Variants in BPHL observed in about 807,000 individuals in gnomAD.
BPHL encodes biphenyl hydrolase like.
BPHL carries 27 observed loss-of-function variants against 31.2 expected under a neutral mutation model. The observed-to-expected ratio is 0.87, with a 90% CI of 0.64 to 1.19. The LOEUF (loss-of-function observed/expected upper bound fraction) is 1.19, where lower values mean the gene tolerates loss of function less well. BPHL is among the 50% of genes most tolerant of loss of function. The pLI, the probability that BPHL is intolerant of heterozygous loss-of-function variation, is 0.00. For missense variants in BPHL, 356 were observed against 375.7 expected (o/e 0.95, Z 0.43); for synonymous variants, 150 against 146.8 (o/e 1.02, Z -0.16).
At chr6:3,124,937 A>T (rs75692719) in intron 2 of BPHL, among the ~76,000 whole-genome samples, 360 of 152,112 alleles carry the variant, frequency 2.4e-3, no homozygotes, top group African/African-American at 8.2e-3. Context: ...AAGGACACTG[A>T]CTCTCATGGC....
intron 2 of BPHL, among the ~76,000 whole-genome samples, chr6:3,126,494 A>T (rs1335461519): frequency 6.6e-6 from 1 of 152,148 alleles, no homozygotes; most frequent in Non-Finnish European, 1.5e-5. Context: ...ACAGAAGCAA[A>T]GGAAGACCCA....
intron 6 of BPHL, among the ~76,000 whole-genome samples, chr6:3,145,591 TTTGGG>T (rs2113774146): frequency 1.4e-5 from 1 of 69,562 alleles, no homozygotes; most frequent in Non-Finnish European, 3.4e-5. Flanking sequence ...GGAGTGCTGG[TTTGGG>T]TCGGAGTGCT....
chr6:3,143,239 A>G (rs1199178153), intron 6 of BPHL, among the ~76,000 whole-genome samples: 1 of 152,112 alleles, frequency 6.6e-6, no homozygotes, highest in Non-Finnish European at 1.5e-5. Flanking sequence ...CAAACAAACA[A>G]AAAAACACTT....
chr6:3,118,554 C>G (rs1761452338), upstream of BPHL: 1 of 411,880 alleles, frequency 2.4e-6, no homozygotes, highest in East Asian at 3.6e-5. Context: ...AACCACGAGC[C>G]GAGTTTCGGT....
chr6:3,131,664 C>T (rs570413820), intron 4 of BPHL, among the ~76,000 whole-genome samples: 1 of 152,326 alleles, frequency 6.6e-6, no homozygotes, highest in African/African-American at 2.4e-5. Context: ...CCAGCCCCTC[C>T]CCGGACATTC....
chr6:3,147,054 C>T lies in BPHL; in HGVS notation c.789-5434C>T, dbSNP rs547322089. 2.0e-5 allele frequency among the ~76,000 whole-genome samples: 3 copies of T among 152,246 alleles called. No homozygotes were observed. The South Asian group carries it at 6.2e-4, about 32-fold the overall frequency. Reference sequence around the variant, plus strand: ...TGTACATTTGGACTTAAATTTAAGACTTAACACACCCAGCCTGGGCAACAT... The same window carrying T: ...TGTACATTTGGACTTAAATTTAAGATTTAACACACCCAGCCTGGGCAACAT... On this transcript the variant is annotated intron_variant, in intron 6 of 6. Transcript: ENST00000380379.
chr6:3,119,820 A>G (rs778590223), intron 1 of BPHL, among the ~76,000 whole-genome samples: 1 of 152,182 alleles, frequency 6.6e-6, no homozygotes, highest in Non-Finnish European at 1.5e-5. Context: ...TTAGAAGGAG[A>G]AAAGAGGGCA....
chr6:3,142,037 T>C (rs1413241668), intron 6 of BPHL, among the ~76,000 whole-genome samples: 1 of 152,162 alleles, frequency 6.6e-6, no homozygotes. Flanking sequence ...AACTAGACTT[T>C]ATAAAATTAT....
At chr6:3,133,848 T>C (rs547398438) in intron 4 of BPHL, among the ~76,000 whole-genome samples, 2 of 152,266 alleles carry the variant, frequency 1.3e-5, no homozygotes, top group South Asian at 2.1e-4. Flanking sequence ...TCTAAGTCCA[T>C]GAGTGAAATT....
intron 1 of BPHL, chr6:3,119,185 A>G (rs538256134): frequency 8.9e-7 from 1 of 1,123,088 alleles, no homozygotes; most frequent in South Asian, 1.3e-5. Flanking sequence ...CCCGTGACGG[A>G]GCACGGACTA....
intron 1 of BPHL, 59 bp from the exon 2 acceptor site, chr6:3,123,598 A>G (rs1051384950): frequency 2.3e-5 from 34 of 1,473,540 alleles, no homozygotes; most frequent in South Asian, 1.9e-4. Context: ...TTTTGAATCA[A>G]CTAAGAAATC....
chr6:3,137,301 C>T lies in BPHL; in HGVS notation c.533-61C>T, dbSNP rs147518296. ...TCAGAAGTGGCTCTTGCTCAGAATA[C>T]TTAAAGACAATACTTTAGTATGAAA... On this transcript the variant is annotated intron_variant, in intron 4 of 6. Transcript: ENST00000380379. 856 of 1,587,258 alleles carry T rather than the reference C, an allele frequency of 5.4e-4. 4 individuals carry two copies. The African/African-American group carries it at 9.8e-3, about 18-fold the overall frequency.
chr6:3,146,161 G>A lies in BPHL; in HGVS notation c.788+5652G>A, dbSNP rs1259832465. 4.7e-4 allele frequency among the ~76,000 whole-genome samples: 20 copies of A among 42,988 alleles called. 5 individuals are homozygous for A. The highest frequency in any genetic ancestry group is 8.2e-4 in the Non-Finnish European group (19 of 23,078). 28.2% of individuals were successfully genotyped at this position (42,988 alleles called of 152,430 possible). On this transcript the variant is annotated intron_variant, in intron 6 of 6. Transcript: ENST00000380379. ...CTGGTTCGGGTTGGAGTGCTGGTTC[G>A]GGGTGGAGTGCTGGTTCGGGGTGGA...
intron 2 of BPHL, among the ~76,000 whole-genome samples, chr6:3,124,495 C>CA (rs1237789007): frequency 6.6e-6 from 1 of 152,110 alleles, no homozygotes; most frequent in Non-Finnish European, 1.5e-5. Flanking sequence ...CCTCAGATCC[C>CA]AAAATCTGAG....
chr6:3,130,497 C>T (rs1241292965), intron 4 of BPHL, among the ~76,000 whole-genome samples: 1 of 152,138 alleles, frequency 6.6e-6, no homozygotes, highest in Non-Finnish European at 1.5e-5. Context: ...ACCTGCCAGC[C>T]TGGCCCACCA....
In BPHL at chr6:3,119,638, C is replaced by T. The variant is rs2231360; in HGVS notation, c.107+791C>T. On this transcript the variant is annotated intron_variant, in intron 1 of 6. Transcript: ENST00000380379. ...GGCATGAAGCTTGTTTTACTTTATT[C>T]TCTACATACATCCCTACACACATGC... The T allele has an allele frequency of 3.1e-6, 4 of 1,303,098 alleles. No individual in the cohort carries two copies. In the African/African-American group the frequency reaches 5.9e-5, roughly 19 times the overall value. The allele number at this position is 1,303,098 out of a possible 1,614,324, so 80.7% of individuals were successfully genotyped here.
At position 3,152,841 on chromosome 6, in the gene BPHL, A is replaced by C; in HGVS notation, c.*266A>C. ...CAGGAGTTCAAGACCAGCTTGTGCA[A>C]TATAGGGAGACTCCGGCTCTACAAA... On this transcript the variant is annotated 3_prime_UTR_variant, in exon 7 of 7. Transcript: ENST00000380379. 3.3e-6 allele frequency: 1 copy of C among 299,982 alleles called. No homozygotes were observed. Among genetic ancestry groups the C allele is most frequent in the Admixed American group, 5.1e-5 (1 of 19,478 alleles). 18.6% of individuals were successfully genotyped at this position (299,982 alleles called of 1,614,324 possible). A position where few individuals can be genotyped will look rare whatever the true frequency, so the allele number is the denominator to read the frequency against.
At chr6:3,129,775 T>C (rs1334361234) in intron 4 of BPHL, among the ~76,000 whole-genome samples, 1 of 152,006 alleles carries the variant, frequency 6.6e-6, no homozygotes, top group Non-Finnish European at 1.5e-5. Context: ...TTTGCATGCT[T>C]TAACGTTGTC....
chr6:3,133,138 T>A (rs9632528), intron 4 of BPHL, among the ~76,000 whole-genome samples: 14,381 of 152,190 alleles, frequency 0.094, 1,733 homozygotes, highest in African/African-American at 0.28. Flanking sequence ...GGTCTCTGAT[T>A]CTCAGCCTGC....
Sources: allele counts gnomAD v4.1 joint callset (sites outside exome capture counted in the v4.1 genomes callset), GRCh38; gene constraint gnomAD v4.1.1; transcripts MANE v1.5; gene names NCBI Gene and HGNC (gene_info 2026-07-23, HGNC 2026-07-21).